The following SETBP1 variants were observed in gnomAD, a reference collection of about 807,000 sequenced individuals.
The protein encoded by SETBP1 is SET binding protein 1.
Under a neutral mutation model 101.0 loss-of-function variants are expected in SETBP1, and 9 were observed. The ratio of observed to expected loss-of-function variants is 0.09; its 90% confidence interval spans 0.05 to 0.16. SETBP1 has a LOEUF of 0.16. SETBP1 is among the 10% of genes least tolerant of loss of function. The pLI is 1.00. For synonymous variants in SETBP1, 818 were observed against 788.5 expected (o/e 1.04, Z -0.63); for missense variants, 1,858 against 2,033.8 (o/e 0.91, Z 1.66).
intron 2 of SETBP1, among the ~76,000 whole-genome samples, chr18:44,815,058 T>C (rs537693691): frequency 6.6e-6 from 1 of 152,304 alleles, no homozygotes; most frequent in South Asian, 2.1e-4. Flanking sequence ...TGAGAAGATA[T>C]ATAGCTGCTG....
chr18:44,689,256 C>T (rs2068888503), intron 1 of SETBP1, among the ~76,000 whole-genome samples: 1 of 152,140 alleles, frequency 6.6e-6, no homozygotes, highest in Non-Finnish European at 1.5e-5. Flanking sequence ...GAAACAAATG[C>T]TTATTTCGAA....
intron 2 of SETBP1, among the ~76,000 whole-genome samples, chr18:44,846,010 G>A (rs1298920825): frequency 6.6e-6 from 1 of 152,214 alleles, no homozygotes; most frequent in Non-Finnish European, 1.5e-5. Context: ...CCTGAGAGCA[G>A]AAGCCTCTGA....
chr18:44,699,938 CA>C (rs1167240698), intron 1 of SETBP1, among the ~76,000 whole-genome samples: 2 of 152,058 alleles, frequency 1.3e-5, no homozygotes, highest in Non-Finnish European at 2.9e-5. Context: ...TTTTGGTGGG[CA>C]CATTTGCCAG....
rs143560867 is a variant in SETBP1 at position 44,683,206 on chromosome 18, C to T, written c.-173+2185C>T. 1.1e-3 allele frequency among the ~76,000 whole-genome samples: 162 copies of T among 152,290 alleles called. 1 individual carries two copies. Among genetic ancestry groups the T allele is most frequent in the African/African-American group, 3.5e-3 (146 of 41,544 alleles). ...CAGAATGTTACATAGGAAGGCTCTG[C>T]TGGAAGGCCCAGTTTTGGACATCAC... On this transcript the variant is annotated intron_variant, in intron 1 of 5. Transcript: ENST00000649279.
At chr18:44,877,949 G>A (rs527551198) in intron 3 of SETBP1, among the ~76,000 whole-genome samples, 1 of 152,252 alleles carries the variant, frequency 6.6e-6, no homozygotes, top group Non-Finnish European at 1.5e-5. Flanking sequence ...ACCATCTGAG[G>A]GCTGTGTGCA....
chr18:44,801,512 A>G (rs2071607852), intron 2 of SETBP1, among the ~76,000 whole-genome samples: 1 of 152,156 alleles, frequency 6.6e-6, no homozygotes, highest in Non-Finnish European at 1.5e-5. Context: ...GAGTACTGTC[A>G]CTACACAGCC....
intron 2 of SETBP1, among the ~76,000 whole-genome samples, chr18:44,833,579 C>A (rs2144476601): frequency 6.6e-6 from 1 of 152,308 alleles, no homozygotes; most frequent in Admixed American, 6.5e-5. Flanking sequence ...AATTACGGCC[C>A]AGGAAACAAT....
intron 2 of SETBP1, among the ~76,000 whole-genome samples, chr18:44,771,615 C>T (rs2070875845): frequency 6.6e-6 from 1 of 152,128 alleles, no homozygotes; most frequent in African/African-American, 2.4e-5. Context: ...GAGACACCCA[C>T]GGTGAGGAGG....
rs2145099229 is a variant in SETBP1, at chr18:44,950,938, C to T, written c.1598C>T (p.Thr533Ile). ...HPKFAAKRRW[T>I]CSKPKPSTML... ...AAATTTGCTGCAAAACGAAGGTGGA[C>T]TTGCAGCAAACCAAAACCTAGCACC... The change falls in exon 4 of 6, where the codon ACT becomes ATT. Residue 533 changes from threonine (T) to isoleucine (I), a missense_variant. Coordinates refer to ENST00000649279, the MANE Select transcript of SETBP1 (RefSeq NM_015559.3). 1.2e-6 allele frequency: 2 copies of T among 1,614,148 alleles called. No individual in the cohort carries two copies. The highest frequency in any genetic ancestry group is 8.5e-7 in the Non-Finnish European group (1 of 1,180,036).
intron 3 of SETBP1, among the ~76,000 whole-genome samples, chr18:44,884,011 A>G (rs1347675671): frequency 6.6e-6 from 1 of 152,338 alleles, no homozygotes; most frequent in Middle Eastern, 3.4e-3. Context: ...GAGTTGATTG[A>G]AAGAGGCGGA....
At chr18:44,799,631 G>A (rs2071559548) in intron 2 of SETBP1, among the ~76,000 whole-genome samples, 1 of 152,186 alleles carries the variant, frequency 6.6e-6, no homozygotes, top group South Asian at 2.1e-4. Flanking sequence ...CTTGAAGAAG[G>A]AGGATCAGTT....
At chr18:44,867,585 T>G (rs773534287) in intron 2 of SETBP1, among the ~76,000 whole-genome samples, 6 of 152,262 alleles carry the variant, frequency 3.9e-5, no homozygotes, top group Non-Finnish European at 8.8e-5. Flanking sequence ...TCATTACATT[T>G]CACCCTTAGT....
chr18:45,016,733 A>G (rs11874219), intron 4 of SETBP1, among the ~76,000 whole-genome samples: 13,406 of 68,268 alleles, frequency 0.2, 618 homozygotes, highest in South Asian at 0.25. Context: ...TGGTGCGCGC[A>G]CACACACACA....
chr18:44,780,184 G>C (rs2071096456), intron 2 of SETBP1, among the ~76,000 whole-genome samples: 1 of 152,154 alleles, frequency 6.6e-6, no homozygotes, highest in Non-Finnish European at 1.5e-5. Flanking sequence ...TGTTGTAGGA[G>C]ACTGTATTGT....
chr18:44,864,504 T>C lies in SETBP1; in HGVS notation c.487-4726T>C, dbSNP rs540408133. Among the ~76,000 whole-genome samples, 5 of 152,162 alleles carry C rather than the reference T, an allele frequency of 3.3e-5. No individual in the cohort carries two copies. The East Asian group carries it at 7.7e-4, about 24-fold the overall frequency. ...ATGCCAAGAGAGAAACTGCAGCTCC[T>C]CAACAAATGGAAGGCAGGGTCATCC... On this transcript the variant is annotated intron_variant, in intron 2 of 5. Transcript: ENST00000649279.
chr18:44,961,678 G>T (rs2071614522), intron 4 of SETBP1, among the ~76,000 whole-genome samples: 1 of 152,166 alleles, frequency 6.6e-6, no homozygotes. Flanking sequence ...AAAAGGCCAT[G>T]TGTAGAAAAG....
Position 44,951,632 on chromosome 18 carries a change from C to T in SETBP1, c.2292C>T (p.Asn764=), listed in dbSNP as rs2145103998. The T allele has an allele frequency of 6.2e-7, 1 of 1,614,198 alleles. No homozygotes were observed. Among genetic ancestry groups the T allele is most frequent in the Admixed American group, 1.7e-5 (1 of 60,024 alleles). Residue 764 remains asparagine, a synonymous_variant, in exon 4 of 6, where the codon AAC becomes AAT. Transcript: ENST00000649279. This position sits in a 1 kb window ranked among gnomAD's most constrained non-coding sequence, Gnocchi z 7.8. ...CGGATGTTCCAGCCGTGCCTTCCAA[C>T]TTTCAGTCACTTGTGGCGTCTTCAC... The part of the protein sequence containing the change: ...SQPDVPAVPS[N]FQSLVASSPA...
chr18:44,690,733 C>T (rs2068916678), intron 1 of SETBP1, among the ~76,000 whole-genome samples: 2 of 152,274 alleles, frequency 1.3e-5, no homozygotes, highest in South Asian at 4.1e-4. Context: ...GGGTTAAAAT[C>T]AGTTAGTAAA....
chr18:44,840,368 G>T (rs2072591938), intron 2 of SETBP1, among the ~76,000 whole-genome samples: 1 of 152,162 alleles, frequency 6.6e-6, no homozygotes, highest in Non-Finnish European at 1.5e-5. Context: ...TCTGCAAGGG[G>T]CTCATGCTTA....
Sources: allele counts gnomAD v4.1 joint callset (sites outside exome capture counted in the v4.1 genomes callset), GRCh38; gene constraint gnomAD v4.1.1; non-coding constraint Gnocchi (gnomAD v3.1); transcripts MANE v1.5; gene names NCBI Gene and HGNC (gene_info 2026-07-23, HGNC 2026-07-21).